NEGR1: variants seen among roughly 807,000 people sequenced by gnomAD.
The protein encoded by NEGR1 is neuronal growth regulator 1.
A neutral mutation model predicts 40.9 loss-of-function variants in NEGR1; 10 were observed. The ratio of observed to expected loss-of-function variants is 0.24; its 90% confidence interval spans 0.15 to 0.42. The LOEUF is 0.42. Ranked by LOEUF, NEGR1 falls within the 10% of genes least tolerant of loss-of-function variation. The pLI is 1.00. For missense variants in NEGR1, 352 were observed against 438.9 expected (o/e 0.80, Z 1.77); for synonymous variants, 185 against 166.8 (o/e 1.11, Z -0.84).
intron 6 of NEGR1, among the ~76,000 whole-genome samples, chr1:71,552,621 T>C (rs1391585685): frequency 2.0e-5 from 3 of 149,442 alleles, no homozygotes; most frequent in Admixed American, 6.7e-5. Flanking sequence ...ATATTCTATA[T>C]TAGGAGAATA....
chr1:72,279,193 TAC>T (rs748496956), intron 1 of NEGR1, among the ~76,000 whole-genome samples: 1 of 152,278 alleles, frequency 6.6e-6, no homozygotes, highest in Middle Eastern at 3.4e-3. Flanking sequence ...AAATGATAGA[TAC>T]AGTTAGATAA....
intron 1 of NEGR1, among the ~76,000 whole-genome samples, chr1:72,095,366 T>A (rs1329461104): frequency 2.0e-5 from 3 of 152,150 alleles, no homozygotes; most frequent in Non-Finnish European, 4.4e-5. Flanking sequence ...TCTTATTTGA[T>A]AATTCTTTTG....
chr1:71,613,455 T>G (rs1570106570), intron 4 of NEGR1, among the ~76,000 whole-genome samples: 1 of 152,048 alleles, frequency 6.6e-6, no homozygotes, highest in Admixed American at 6.6e-5. Flanking sequence ...GAGACCAGCC[T>G]GGCCAACGTG....
In NEGR1 at chr1:71,397,524, A is replaced by G. The variant is rs1205109645; in HGVS notation, c.*9922T>C. On this transcript the variant is annotated 3_prime_UTR_variant, in exon 7 of 7. Transcript: ENST00000357731. The stretch of plus-strand genomic sequence containing the variant: ...ATATTTTTAGTAGAGTTGGGGTTTT[A>G]TCATGTTGGCCAGGTTGGTCTCAAA... 1 of 152,148 alleles carries G rather than the reference A, an allele frequency of 6.6e-6. No homozygotes were observed. Among genetic ancestry groups the G allele is most frequent in the East Asian group, 1.9e-4 (1 of 5,170 alleles). 9.4% of individuals were successfully genotyped at this position (152,148 alleles called of 1,614,324 possible).
chr1:71,865,156 A>G (rs1660075043), intron 2 of NEGR1, among the ~76,000 whole-genome samples: 1 of 152,186 alleles, frequency 6.6e-6, no homozygotes, highest in Non-Finnish European at 1.5e-5. Context: ...TTATTTATTT[A>G]GCTATAAAGT....
intron 1 of NEGR1, among the ~76,000 whole-genome samples, chr1:72,079,578 A>G (rs1417587490): frequency 6.6e-6 from 1 of 152,134 alleles, no homozygotes; most frequent in African/African-American, 2.4e-5. Flanking sequence ...AAGTAAAACA[A>G]TACCAGTCGT....
chr1:71,876,695 G>C (rs1660442247), intron 2 of NEGR1, among the ~76,000 whole-genome samples: 1 of 152,078 alleles, frequency 6.6e-6, no homozygotes, highest in South Asian at 2.1e-4. Context: ...TTCAGTTGGA[G>C]AGGAAAACTC....
rs563491910 is a variant in NEGR1 at position 72,078,367 on chromosome 1, G to T, written c.177-143056C>A. Among the ~76,000 whole-genome samples, 121 of 152,086 alleles carry T rather than the reference G, an allele frequency of 8.0e-4. 1 individual carries two copies. The highest frequency in any genetic ancestry group is 2.8e-3 in the African/African-American group (115 of 41,486). ...CTGTCTTTCAACCTTTTACCTTTGA[G>T]CTAAAAAATTTCATTAAAATTCATA... On this transcript the variant is annotated intron_variant, in intron 1 of 6. Transcript: ENST00000357731.
intron 6 of NEGR1, among the ~76,000 whole-genome samples, chr1:71,575,550 G>A (rs1269774290): frequency 2.0e-5 from 3 of 152,202 alleles, no homozygotes; most frequent in East Asian, 1.9e-4. Flanking sequence ...TTGGGAGGCC[G>A]AGGTGGGTGG....
intron 2 of NEGR1, among the ~76,000 whole-genome samples, chr1:71,824,410 T>C (rs1658543555): frequency 1.3e-5 from 2 of 151,482 alleles, no homozygotes; most frequent in South Asian, 4.1e-4. Flanking sequence ...TCAGAAGACC[T>C]GGATTCTTAA....
chr1:71,540,186 T>A (rs1016366151), intron 6 of NEGR1, among the ~76,000 whole-genome samples: 20 of 151,854 alleles, frequency 1.3e-4, no homozygotes, highest in Admixed American at 6.6e-5. Context: ...TATTATTTTC[T>A]TCCATTATCA....
chr1:71,683,171 T>C (rs1652897961), intron 4 of NEGR1, among the ~76,000 whole-genome samples: 1 of 152,134 alleles, frequency 6.6e-6, no homozygotes, highest in South Asian at 2.1e-4. Flanking sequence ...GCAGGAAATA[T>C]TCCTTGCATC....
intron 1 of NEGR1, among the ~76,000 whole-genome samples, chr1:71,950,526 T>C (rs1218465653): frequency 6.6e-6 from 1 of 152,046 alleles, no homozygotes; most frequent in Non-Finnish European, 1.5e-5. Context: ...AAGAACTCCT[T>C]ACTGCTTTCT....
intron 1 of NEGR1, among the ~76,000 whole-genome samples, chr1:72,022,083 C>G (rs559168369): frequency 6.6e-6 from 1 of 151,470 alleles, no homozygotes; most frequent in Admixed American, 6.6e-5. Flanking sequence ...TGCAGTGAGC[C>G]GAGATGGCGC....
At chr1:72,194,149 T>C (rs901264408) in intron 1 of NEGR1, among the ~76,000 whole-genome samples, 5 of 151,904 alleles carry the variant, frequency 3.3e-5, no homozygotes, top group African/African-American at 1.2e-4. Context: ...TTGAACACAA[T>C]AAATGGCATT....
intron 2 of NEGR1, among the ~76,000 whole-genome samples, chr1:71,905,724 C>T (rs1316056034): frequency 6.6e-6 from 1 of 151,780 alleles, no homozygotes; most frequent in Non-Finnish European, 1.5e-5. Context: ...AAAACAGGGT[C>T]CACTGATAAA....
chr1:71,842,138 G>A (rs534464684), intron 2 of NEGR1, among the ~76,000 whole-genome samples: 1 of 152,140 alleles, frequency 6.6e-6, no homozygotes, highest in Non-Finnish European at 1.5e-5. Flanking sequence ...AGTTCCCATT[G>A]ATCATGATAT....
At chr1:71,425,252 A>G (rs2101285232) in intron 6 of NEGR1, among the ~76,000 whole-genome samples, 1 of 152,308 alleles carries the variant, frequency 6.6e-6, no homozygotes, top group South Asian at 2.1e-4. Context: ...AGCATGGAAG[A>G]GGTAGTAGGC....
chr1:72,109,934 A>AT (rs1233200417), intron 1 of NEGR1, among the ~76,000 whole-genome samples: 1 of 151,706 alleles, frequency 6.6e-6, no homozygotes, highest in Non-Finnish European at 1.5e-5. Context: ...CCCATCAAGC[A>AT]TGTAGATAAC....
Sources: gnomAD v4.1 joint callset for allele counts (sites outside exome capture counted in the v4.1 genomes callset) on GRCh38, gnomAD v4.1.1 for gene constraint, MANE v1.5 for transcripts, NCBI Gene and HGNC (gene_info 2026-07-23, HGNC 2026-07-21) for gene names.